CAPZB: variants seen among roughly 807,000 people sequenced by gnomAD.
CAPZB encodes the protein F-actin-capping protein subunit beta.
A neutral mutation model predicts 38.1 loss-of-function variants in CAPZB; 2 were observed. The ratio of observed to expected loss-of-function variants is 0.05; its 90% CI spans 0.02 to 0.17. The LOEUF is 0.17. Among genes scored for constraint, CAPZB ranks in the 10% least tolerant of loss-of-function variants. The pLI is 1.00. For synonymous variants in CAPZB, 107 were observed against 127.4 expected, an observed-to-expected ratio of 0.84 and a Z score of 1.08; for missense variants, 161 against 334.2, an observed-to-expected ratio of 0.48 and a Z score of 4.04.
At chr1:19,353,457 C>T (rs1166057544) in intron 6 of CAPZB, among the ~76,000 whole-genome samples, 3 of 152,012 alleles carry the variant, frequency 2.0e-5, no homozygotes, top group African/African-American at 7.3e-5. Context: ...TGCCCCCCAG[C>T]CTGCCCCTCT....
At chr1:19,471,935 C>G (rs2094589998) in intron 1 of CAPZB, among the ~76,000 whole-genome samples, 1 of 150,874 alleles carries the variant, frequency 6.6e-6, no homozygotes, top group Admixed American at 6.6e-5. Context: ...AACCAATATG[C>G]ATCTCACAGA....
chr1:19,352,958 G>T (rs768853928), intron 6 of CAPZB, among the ~76,000 whole-genome samples: 36 of 152,246 alleles, frequency 2.4e-4, no homozygotes, highest in Non-Finnish European at 4.8e-4. Context: ...GGCACGAGTG[G>T]GCACAGGGCA....
intron 1 of CAPZB, among the ~76,000 whole-genome samples, chr1:19,474,141 G>A (rs943738232): frequency 1.3e-5 from 2 of 151,964 alleles, no homozygotes; most frequent in Admixed American, 1.3e-4. Context: ...GACTACACGT[G>A]TGTGCCACCA....
intron 1 of CAPZB, among the ~76,000 whole-genome samples, chr1:19,426,530 T>C (rs1163323333): frequency 6.6e-6 from 1 of 152,082 alleles, no homozygotes; most frequent in Admixed American, 6.6e-5. Context: ...TGATGCCCTA[T>C]GACTTGTGAG....
Position 19,409,200 on chromosome 1 carries a change from T to C in CAPZB, c.93+10461A>G, listed in dbSNP as rs960264729. The stretch of plus-strand genomic sequence containing the variant: ...TTTAATATGCCAACATGGGTGATGA[T>C]GCTCTTAATGGATAATGGAGTCTGA... On this transcript the variant is annotated intron_variant, in intron 2 of 8. Transcript: ENST00000264202. Among the ~76,000 whole-genome samples the C allele has an allele frequency of 5.9e-5, 9 of 152,242 alleles. 1 individual carries two copies. The South Asian group carries it at 1.9e-3, about 32-fold the overall frequency.
intron 2 of CAPZB, among the ~76,000 whole-genome samples, chr1:19,406,083 A>G (rs551728113): frequency 6.6e-6 from 1 of 152,252 alleles, no homozygotes; most frequent in African/African-American, 2.4e-5. Flanking sequence ...CTTAATTGTG[A>G]GCTCGACAGG....
At chr1:19,445,228 T>G (rs1270900855) in intron 1 of CAPZB, among the ~76,000 whole-genome samples, 1 of 152,168 alleles carries the variant, frequency 6.6e-6, no homozygotes, top group Non-Finnish European at 1.5e-5. Flanking sequence ...CAAGTGGGAA[T>G]AAGACTTATG....
intron 1 of CAPZB, among the ~76,000 whole-genome samples, chr1:19,447,249 C>T (rs1413885618): frequency 1.4e-5 from 2 of 138,934 alleles, no homozygotes; most frequent in East Asian, 4.4e-4. Context: ...TAGACAGAGA[C>T]ATTGGGCAGC....
At chr1:19,347,676 A>G (rs1031609529) in intron 6 of CAPZB, among the ~76,000 whole-genome samples, 1 of 152,218 alleles carries the variant, frequency 6.6e-6, no homozygotes, top group Non-Finnish European at 1.5e-5. Context: ...CTTCCTATCG[A>G]CAGTGTCAAG....
At chr1:19,396,853 T>A (rs2100318446) in intron 2 of CAPZB, among the ~76,000 whole-genome samples, 1 of 150,106 alleles carries the variant, frequency 6.7e-6, no homozygotes, top group East Asian at 2.0e-4. Flanking sequence ...CTCAGGAGAC[T>A]AAGGGAGGAG....
At chr1:19,471,169 C>T (rs1213998595) in intron 1 of CAPZB, among the ~76,000 whole-genome samples, 7 of 152,166 alleles carry the variant, frequency 4.6e-5, no homozygotes, top group African/African-American at 1.4e-4. Context: ...ATAAAAGCTA[C>T]GTGCATGTGG....
At chr1:19,366,311 A>AAT (rs1413387443) in intron 4 of CAPZB, among the ~76,000 whole-genome samples, 1 of 63,194 alleles carries the variant, frequency 1.6e-5, no homozygotes, top group Admixed American at 1.8e-4. Flanking sequence ...TATATATATA[A>AAT]ATAAAATAAA....
At chr1:19,416,312 T>C (rs779384625) in intron 2 of CAPZB, among the ~76,000 whole-genome samples, 1 of 152,184 alleles carries the variant, frequency 6.6e-6, no homozygotes, top group African/African-American at 2.4e-5. Flanking sequence ...ACTCTGTTGC[T>C]TTCAGTGTGA....
intron 1 of CAPZB, among the ~76,000 whole-genome samples, chr1:19,472,861 G>A (rs2094594367): frequency 6.6e-6 from 1 of 151,786 alleles, no homozygotes; most frequent in African/African-American, 2.4e-5. Context: ...AGGACTACAG[G>A]CGCCCGCCAT....
intron 7 of CAPZB, among the ~76,000 whole-genome samples, 180 bp from the exon 8 acceptor site, chr1:19,344,614 C>T (rs547520202): frequency 2.0e-5 from 3 of 152,316 alleles, no homozygotes; most frequent in South Asian, 2.1e-4. Context: ...TCTGTGCTCC[C>T]GGCACCTTCC....
At chr1:19,414,402 ATG>A (rs1260765044) in intron 2 of CAPZB, among the ~76,000 whole-genome samples, 1 of 152,188 alleles carries the variant, frequency 6.6e-6, no homozygotes, top group Non-Finnish European at 1.5e-5. Context: ...AAAAATCAGG[ATG>A]TCTCTTCCAC....
intron 1 of CAPZB, among the ~76,000 whole-genome samples, chr1:19,460,437 C>T (rs1179148650): frequency 6.6e-6 from 1 of 152,078 alleles, no homozygotes; most frequent in African/African-American, 2.4e-5. Flanking sequence ...CCACCGCGCC[C>T]GGCTAATTTT....
At chr1:19,436,993 A>C (rs2094460230) in intron 1 of CAPZB, among the ~76,000 whole-genome samples, 2 of 152,222 alleles carry the variant, frequency 1.3e-5, no homozygotes, top group Non-Finnish European at 2.9e-5. Context: ...TGAGCCAAGG[A>C]GGGCTGGATT....
In CAPZB at chr1:19,388,792, T is replaced by A. The variant is rs74056838; in HGVS notation, c.94-3166A>T. The stretch of plus-strand genomic sequence containing the variant: ...AAGACTGTTCATTTGTCAAACACAG[T>A]AGATGAGCTGCACGGAGACAGACCA... On this transcript the variant is annotated intron_variant, in intron 2 of 8. Coordinates refer to ENST00000264202, the MANE Select transcript of CAPZB (RefSeq NM_004930.5). Among the ~76,000 whole-genome samples, 153 of 152,310 alleles carry A rather than the reference T, an allele frequency of 1.0e-3. 1 individual carries two copies. The South Asian group carries it at 0.011, about 11-fold the overall frequency.
Sources: allele counts gnomAD v4.1 joint callset (sites outside exome capture counted in the v4.1 genomes callset), GRCh38; gene constraint gnomAD v4.1.1; transcripts MANE v1.5; gene names NCBI Gene and HGNC (gene_info 2026-07-23, HGNC 2026-07-21).